Variants in CHSY1 observed in about 807,000 individuals in gnomAD.
CHSY1 encodes the protein chondroitin sulfate synthase 1, also known as N-acetylgalactosaminyl-proteoglycan 3-beta-glucuronosyltransferase 1.
A neutral mutation model predicts 59.8 loss-of-function variants in CHSY1; 13 were observed. The observed-to-expected ratio is 0.22, with a 90% CI of 0.14 to 0.35. The LOEUF (loss-of-function observed/expected upper bound fraction) is 0.35. Among genes scored for constraint, CHSY1 ranks in the 10% least tolerant of loss-of-function variants. The pLI, the probability that CHSY1 is intolerant of heterozygous loss-of-function variation, is 1.00. For synonymous variants in CHSY1, 459 were observed against 401.2 expected (o/e 1.14, Z -1.72); for missense variants, 947 against 1,030.6 (o/e 0.92, Z 1.11).
At chr15:101,221,740 C>A (rs2038790788) in intron 2 of CHSY1, among the ~76,000 whole-genome samples, 1 of 152,138 alleles carries the variant, frequency 6.6e-6, no homozygotes, top group Admixed American at 6.5e-5. Context: ...GTACCTGTTC[C>A]AGGAGACGGC....
chr15:101,194,808 G>A (rs2038487415), intron 2 of CHSY1, among the ~76,000 whole-genome samples: 1 of 152,220 alleles, frequency 6.6e-6, no homozygotes, highest in Non-Finnish European at 1.5e-5. Context: ...AAGGGAGACA[G>A]GGAGAGCTGT....
chr15:101,189,061 T>G (rs529761659), intron 2 of CHSY1, among the ~76,000 whole-genome samples: 25 of 152,128 alleles, frequency 1.6e-4, no homozygotes, highest in Middle Eastern at 3.2e-3. Flanking sequence ...TACTGAACGC[T>G]CCCGTGAAAG....
chr15:101,249,510 A>ATT (rs34753057), intron 1 of CHSY1, among the ~76,000 whole-genome samples: 13,844 of 112,934 alleles, frequency 0.12, 1,287 homozygotes, highest in Non-Finnish European at 0.14. Context: ...GATAGATAGA[A>ATT]TTTTTTTTTT....
At chr15:101,234,930 A>T in intron 2 of CHSY1, 152 bp downstream of exon 2, 5 of 928,782 alleles carry the variant, frequency 5.4e-6, no homozygotes, top group Admixed American at 2.6e-5. Context: ...GGGGAACTGA[A>T]TTTTTTTTTT....
intron 2 of CHSY1, among the ~76,000 whole-genome samples, chr15:101,190,655 C>T (rs12593277): frequency 0.1 from 15,268 of 152,124 alleles, 828 homozygotes; most frequent in East Asian, 0.2. Context: ...AAAGACACTG[C>T]CAAGAGAATA....
chr15:101,248,953 A>ATTTTTTTTT (rs565187410), intron 1 of CHSY1, among the ~76,000 whole-genome samples: 5 of 111,456 alleles, frequency 4.5e-5, no homozygotes, highest in Non-Finnish European at 5.4e-5. Context: ...AGCCTGGCTA[A>ATTTTTTTTT]TTTTTTTTTT....
At chr15:101,219,460 G>T (rs1430527704) in intron 2 of CHSY1, among the ~76,000 whole-genome samples, 2 of 152,310 alleles carry the variant, frequency 1.3e-5, no homozygotes, top group East Asian at 3.9e-4. Flanking sequence ...CACGTAGGGA[G>T]GGGTGGATTA....
At chr15:101,190,134 G>C (rs2038425599) in intron 2 of CHSY1, among the ~76,000 whole-genome samples, 1 of 152,154 alleles carries the variant, frequency 6.6e-6, no homozygotes, top group African/African-American at 2.4e-5. Flanking sequence ...TGAAGTCTGA[G>C]GGGGGACTCT....
At position 101,180,363 on chromosome 15, in the gene CHSY1, C is replaced by T. The variant is rs549231251; in HGVS notation, c.817-1383G>A. 9.2e-5 allele frequency among the ~76,000 whole-genome samples: 14 copies of T among 152,306 alleles called. No homozygotes were observed. The South Asian group carries it at 2.7e-3, about 29-fold the overall frequency. On this transcript the variant is annotated intron_variant, in intron 2 of 2. Coordinates refer to ENST00000254190, the MANE Select transcript of CHSY1 (RefSeq NM_014918.5). Reference sequence around the variant, plus strand: ...AGTGCCGCCGCTGTTTCCAACTTTCCTTCCCACACCGCTTATGCTCCCCAC... The same window carrying T: ...AGTGCCGCCGCTGTTTCCAACTTTCTTTCCCACACCGCTTATGCTCCCCAC...
At chr15:101,179,304 C>T (rs575518070) in intron 2 of CHSY1, among the ~76,000 whole-genome samples, 1 of 152,334 alleles carries the variant, frequency 6.6e-6, no homozygotes, top group Admixed American at 6.5e-5. Flanking sequence ...GATAAAGCCA[C>T]CCCCGTCCCA....
intron 1 of CHSY1, among the ~76,000 whole-genome samples, chr15:101,243,435 G>C (rs1596455955): frequency 6.6e-6 from 1 of 152,152 alleles, no homozygotes; most frequent in East Asian, 1.9e-4. Context: ...CCCTGAACTT[G>C]TTCTGGCCGA....
chr15:101,207,199 TAA>T (rs1409579962), intron 2 of CHSY1, among the ~76,000 whole-genome samples: 5 of 151,960 alleles, frequency 3.3e-5, no homozygotes, highest in African/African-American at 2.4e-5. Flanking sequence ...AAAAGAAAAA[TAA>T]GCCACTCACT....
chr15:101,178,568 A>G lies in CHSY1; in HGVS notation c.1229T>C (p.Met410Thr), dbSNP rs146953247. The G allele has an allele frequency of 5.2e-5, 84 of 1,614,212 alleles. No individual in the cohort carries two copies. The African/African-American group carries it at 9.2e-4, about 18-fold the overall frequency. ...GGCATTGATCATCTCCATGACCTGCATGACAATGTCGTCCAAGGCTTCCCT... is the reference window on the plus strand; with the variant it reads ...GGCATTGATCATCTCCATGACCTGCGTGACAATGTCGTCCAAGGCTTCCCT... ...AQREALDDIV[M>T]QVMEMINANA... The change falls in exon 3 of 3, where the codon ATG becomes ACG. Residue 410 changes from methionine (M) to threonine (T), a missense_variant. Physicochemically the swap from Met to Thr is moderately conservative, Grantham distance 81 (BLOSUM62 -1). This residue lies in a region of CHSY1 where 602 missense variants were observed against 676.9 expected (regional missense o/e 0.89). Coordinates refer to ENST00000254190, the MANE Select transcript of CHSY1 (RefSeq NM_014918.5).
In CHSY1 at chr15:101,177,971, G is replaced by A. The variant is rs1464130668; in HGVS notation, c.1826C>T (p.Ser609Leu). ...MQILPVSGEF[S>L]RALALEVGSS... Reference sequence around the variant, plus strand: ...TCCTACTTCCAGGGCCAGGGCTCTTGAAAACTCTCCAGACACAGGCAAAAT... The same window carrying A: ...TCCTACTTCCAGGGCCAGGGCTCTTAAAAACTCTCCAGACACAGGCAAAAT... The change falls in exon 3 of 3, where the codon TCA (serine) becomes TTA (leucine). Residue 609 changes from serine (S) to leucine (L), a missense_variant. By Grantham distance (145) the Ser-to-Leu change is moderately radical. This residue lies in a region of CHSY1 where 602 missense variants were observed against 676.9 expected (regional missense o/e 0.89). Transcript: ENST00000254190. The A allele has an allele frequency of 6.2e-7, 1 of 1,614,178 alleles. No homozygotes were observed. The highest frequency in any genetic ancestry group is 1.1e-5 in the South Asian group (1 of 91,082).
Position 101,178,603 on chromosome 15 carries a change from G to C in CHSY1, c.1194C>G (p.Asp398Glu), listed in dbSNP as rs1182287614. 1 of 1,614,102 alleles carries C rather than the reference G, an allele frequency of 6.2e-7. No homozygotes were observed. The highest frequency in any genetic ancestry group is 1.3e-5 in the African/African-American group (1 of 74,934). ...VDGQPPRRGMDSAQREALDDI... is the reference protein window; with the variant it reads ...VDGQPPRRGMESAQREALDDI... ...CGTCCAAGGCTTCCCTCTGGGCGGA[G>C]TCCATTCCTCTTCGAGGGGGCTGGC... The change falls in exon 3 of 3, where the codon GAC (aspartate) becomes GAG (glutamate). Residue 398 changes from aspartate (D) to glutamate (E), a missense_variant. By Grantham distance (45) the Asp-to-Glu change is conservative (BLOSUM62 2). Coordinates refer to ENST00000254190, the MANE Select transcript of CHSY1 (RefSeq NM_014918.5).
intron 2 of CHSY1, among the ~76,000 whole-genome samples, chr15:101,197,277 G>A (rs2038518722): frequency 6.6e-6 from 1 of 152,172 alleles, no homozygotes; most frequent in African/African-American, 2.4e-5. Flanking sequence ...TTGACTGGAA[G>A]CCCATTAATT....
chr15:101,208,160 CA>C (rs1260521397), intron 2 of CHSY1, among the ~76,000 whole-genome samples: 1 of 152,158 alleles, frequency 6.6e-6, no homozygotes, highest in Non-Finnish European at 1.5e-5. Flanking sequence ...TTTGGAGTAT[CA>C]GGGGGAACCC....
chr15:101,244,762 G>A (rs1034992661), intron 1 of CHSY1, among the ~76,000 whole-genome samples: 3 of 152,252 alleles, frequency 2.0e-5, no homozygotes, highest in African/African-American at 7.2e-5. Flanking sequence ...CTCTCCTCAT[G>A]TCAATAAAAG....
intron 2 of CHSY1, among the ~76,000 whole-genome samples, chr15:101,179,230 A>T (rs186614025): frequency 8.5e-5 from 13 of 152,336 alleles, no homozygotes; most frequent in Non-Finnish European, 5.9e-5. Context: ...ATTATGAAAA[A>T]GTTGTCCCAT....
Sources: gnomAD v4.1 joint callset for allele counts (sites outside exome capture counted in the v4.1 genomes callset) on GRCh38, gnomAD v4.1.1 for gene constraint, gnomAD v4.1.1 regional missense constraint, MANE v1.5 for transcripts, NCBI Gene and HGNC (gene_info 2026-07-23, HGNC 2026-07-21) for gene names.